The following ADARB2 variants were observed in gnomAD, a reference collection of about 807,000 sequenced individuals.
ADARB2 encodes the protein inactive double-stranded RNA-specific editase B2.
In ADARB2, 25 loss-of-function variants were observed where a neutral mutation model predicts 62.2. The observed-to-expected ratio is 0.40, with a 90% CI of 0.29 to 0.56. The LOEUF (loss-of-function observed/expected upper bound fraction) is 0.56, where lower values mean the gene tolerates loss of function less well. ADARB2 is among the 20% of genes least tolerant of loss of function. ADARB2 has a pLI of 0.43. For synonymous variants in ADARB2, 572 were observed against 500.8 expected, an observed-to-expected ratio of 1.14 and a Z score of -1.90; for missense variants, 1,071 against 1,077.4, an observed-to-expected ratio of 0.99 and a Z score of 0.08.
At chr10:1,352,976 A>G (rs79028954) in intron 3 of ADARB2, among the ~76,000 whole-genome samples, 2 of 152,248 alleles carry the variant, frequency 1.3e-5, no homozygotes, top group East Asian at 1.9e-4. Context: ...GGCAGGCTAT[A>G]CTATAGTACA....
intron 1 of ADARB2, among the ~76,000 whole-genome samples, chr10:1,669,503 C>A (rs1333677515): frequency 6.6e-6 from 1 of 151,492 alleles, no homozygotes; most frequent in African/African-American, 2.4e-5. Context: ...CAGGGAGACA[C>A]AGCTAGACAC....
intron 1 of ADARB2, among the ~76,000 whole-genome samples, chr10:1,395,260 G>A (rs1054326400): frequency 3.3e-5 from 5 of 152,120 alleles, no homozygotes; most frequent in African/African-American, 4.8e-5. Context: ...TGATGACACC[G>A]TCTTGAATCG....
At chr10:1,411,307 A>C (rs1307645576) in intron 1 of ADARB2, among the ~76,000 whole-genome samples, 2 of 152,298 alleles carry the variant, frequency 1.3e-5, no homozygotes, top group East Asian at 3.9e-4. Flanking sequence ...TCGGGGGAAC[A>C]CAGTGCTGCT....
At chr10:1,474,995 T>C (rs1831380052) in intron 1 of ADARB2, among the ~76,000 whole-genome samples, 1 of 151,970 alleles carries the variant, frequency 6.6e-6, no homozygotes, top group South Asian at 2.1e-4. Context: ...TATTGCACAG[T>C]GGGTGGGACC....
chr10:1,720,783 G>A (rs941317365), intron 1 of ADARB2, among the ~76,000 whole-genome samples: 4 of 152,172 alleles, frequency 2.6e-5, no homozygotes, highest in Admixed American at 6.5e-5. Flanking sequence ...GCTCACTCAA[G>A]GCAAATTTGG....
intron 1 of ADARB2, among the ~76,000 whole-genome samples, chr10:1,507,979 G>T (rs1022118785): frequency 6.6e-6 from 1 of 152,176 alleles, no homozygotes; most frequent in Non-Finnish European, 1.5e-5. Context: ...TTTTAGGGAT[G>T]TCTGGTCCAA....
At chr10:1,233,966 CTTTTTTTTTTCCT>C (rs1306527549) in intron 5 of ADARB2, 121 bp from the exon 6 acceptor site, 4 of 745,564 alleles carry the variant, frequency 5.4e-6, no homozygotes, top group Middle Eastern at 4.2e-4. Context: ...TATATTTTTC[CTTTTTTTTTTCCT>C]TTTTTTTTTG....
chr10:1,512,490 A>G (rs1831949128), intron 1 of ADARB2, among the ~76,000 whole-genome samples: 1 of 152,248 alleles, frequency 6.6e-6, no homozygotes, highest in African/African-American at 2.4e-5. Flanking sequence ...TGGCCATCTA[A>G]TCCTCAAAGC....
chr10:1,439,346 G>A (rs1374024657), intron 1 of ADARB2, among the ~76,000 whole-genome samples: 1 of 145,062 alleles, frequency 6.9e-6, no homozygotes, highest in Admixed American at 6.8e-5. Flanking sequence ...CTTCATGATG[G>A]GGCTCCTGAG....
chr10:1,285,624 A>AAAAGC (rs1487044481), intron 3 of ADARB2, among the ~76,000 whole-genome samples: 1 of 152,224 alleles, frequency 6.6e-6, no homozygotes, highest in Non-Finnish European at 1.5e-5. Context: ...TGCTTAACGG[A>AAAAGC]AAAGCAAAGC....
intron 1 of ADARB2, among the ~76,000 whole-genome samples, chr10:1,656,572 A>G (rs1362841428): frequency 6.6e-6 from 1 of 151,888 alleles, no homozygotes; most frequent in Non-Finnish European, 1.5e-5. Flanking sequence ...ATACAACTCT[A>G]TTCCTCTAGT....
At chr10:1,325,725 A>G (rs1831838860) in intron 3 of ADARB2, among the ~76,000 whole-genome samples, 1 of 152,106 alleles carries the variant, frequency 6.6e-6, no homozygotes, top group African/African-American at 2.4e-5. Flanking sequence ...CTTGTACTAG[A>G]GACTCAAGCT....
chr10:1,555,010 G>T (rs1832680197), intron 1 of ADARB2, among the ~76,000 whole-genome samples: 1 of 152,090 alleles, frequency 6.6e-6, no homozygotes, highest in African/African-American at 2.4e-5. Flanking sequence ...ATTTTCTTAG[G>T]ATAATGGCCT....
chr10:1,178,422 T>C lies in ADARB2; in HGVS notation c.*4771A>G, dbSNP rs1309841483. ...GGTCCCTGTGGCCTCTGCTCCTGCC[T>C]CCTCACTTCCCCACCATCCTTCCTT... On this transcript the variant is annotated 3_prime_UTR_variant, in exon 10 of 10. Coordinates refer to ENST00000381312, the MANE Select transcript of ADARB2 (RefSeq NM_018702.4). The C allele has an allele frequency of 6.6e-6, 1 of 152,384 alleles. No homozygotes were observed. The highest frequency in any genetic ancestry group is 1.5e-5 in the Non-Finnish European group (1 of 68,088). The allele number at this position is 152,384 out of a possible 1,614,324, so 9.4% of individuals were successfully genotyped here.
At chr10:1,667,305 G>A (rs1411621692) in intron 1 of ADARB2, among the ~76,000 whole-genome samples, 1 of 152,072 alleles carries the variant, frequency 6.6e-6, no homozygotes, top group African/African-American at 2.4e-5. Flanking sequence ...TGTTTTATGA[G>A]GCCTATAAAA....
At position 1,477,562 on chromosome 10, in the gene ADARB2, G is replaced by C. The variant is rs924068385; in HGVS notation, c.101-98402C>G. Among the ~76,000 whole-genome samples, 8 of 151,986 alleles carry C rather than the reference G, an allele frequency of 5.3e-5. No homozygotes were observed. The highest frequency in any genetic ancestry group is 1.9e-4 in the African/African-American group (8 of 41,370). ...GTCTTGGTAAATTCTTTTACCACCC[G>C]TGACACCAGCCCCAGCCATTGCACC... On this transcript the variant is annotated intron_variant, in intron 1 of 9. Transcript: ENST00000381312. This position sits in a 1 kb window ranked among gnomAD's most constrained non-coding sequence, Gnocchi z 4.5.
At position 1,426,859 on chromosome 10, in the gene ADARB2, T is replaced by G. The variant is rs1019481586; in HGVS notation, c.101-47699A>C. On this transcript the variant is annotated intron_variant, in intron 1 of 9. Coordinates refer to ENST00000381312, the MANE Select transcript of ADARB2 (RefSeq NM_018702.4). The surrounding 1 kb of genome is among the most constrained non-coding windows in gnomAD (Gnocchi z 4.1). ...GGGGCAGACTCCTAAGAAGGCAGCT[T>G]TGTGTTGGACAAAACACAGTGGGGA... is the stretch of plus-strand genomic sequence containing the variant. Among the ~76,000 whole-genome samples, 1 of 152,238 alleles carries G rather than the reference T, an allele frequency of 6.6e-6. No homozygotes were observed. The highest frequency in any genetic ancestry group is 2.4e-5 in the African/African-American group (1 of 41,472).
chr10:1,513,159 A>C lies in ADARB2; in HGVS notation c.101-133999T>G, dbSNP rs146155910. Among the ~76,000 whole-genome samples, 1,102 of 152,328 alleles carry C rather than the reference A, an allele frequency of 7.2e-3. 14 individuals carry two copies. Among genetic ancestry groups the C allele is most frequent in the African/African-American group, 0.025 (1,026 of 41,578 alleles). On this transcript the variant is annotated intron_variant, in intron 1 of 9. Transcript: ENST00000381312. ...AGTGTTCATTTCACTATTTGTATGT[A>C]TATCAAAACATCGTGTTGTACACCT...
chr10:1,461,589 T>C (rs1831175501), intron 1 of ADARB2, among the ~76,000 whole-genome samples: 1 of 152,212 alleles, frequency 6.6e-6, no homozygotes, highest in Non-Finnish European at 1.5e-5. Context: ...GATATTGATC[T>C]CTTGTGCATT....
Sources: gnomAD v4.1 joint callset for allele counts (sites outside exome capture counted in the v4.1 genomes callset) on GRCh38, gnomAD v4.1.1 for gene constraint, Gnocchi (gnomAD v3.1) non-coding constraint, MANE v1.5 for transcripts, NCBI Gene and HGNC (gene_info 2026-07-23, HGNC 2026-07-21) for gene names.